XKR4: variants seen among roughly 807,000 people sequenced by gnomAD.
XKR4 encodes the protein XK related 4.
XKR4 carries 12 observed loss-of-function variants against 53.9 expected under a neutral mutation model. The ratio of observed to expected loss-of-function variants is 0.22; its 90% CI spans 0.14 to 0.36. XKR4 has a LOEUF of 0.36. Among genes scored for constraint, XKR4 ranks in the 10% least tolerant of loss-of-function variants. XKR4 has a pLI of 1.00. For synonymous variants in XKR4, 354 were observed against 362.4 expected (o/e 0.98, Z 0.26); for missense variants, 799 against 859.5 (o/e 0.93, Z 0.88).
chr8:55,255,226 C>G (rs1818420697), intron 1 of XKR4, among the ~76,000 whole-genome samples: 1 of 152,144 alleles, frequency 6.6e-6, no homozygotes, highest in South Asian at 2.1e-4. Context: ...TCTGTCAGAC[C>G]TGACTTAGAA....
chr8:55,237,796 C>G (rs953368877), intron 1 of XKR4, among the ~76,000 whole-genome samples: 17 of 152,140 alleles, frequency 1.1e-4, no homozygotes, highest in African/African-American at 4.1e-4. Flanking sequence ...AAGACATAAT[C>G]ATTTCATTTT....
rs761563042 is a variant in XKR4 at position 55,524,310 on chromosome 8, G to T, written c.*83G>T. 17 of 1,362,344 alleles carry T rather than the reference G, an allele frequency of 1.2e-5. No individual in the cohort carries two copies. The highest frequency in any genetic ancestry group is 4.3e-5 in the Admixed American group (2 of 46,180). 84.4% of individuals were successfully genotyped at this position (1,362,344 alleles called of 1,614,324 possible). A position where few individuals can be genotyped will look rare whatever the true frequency, so the allele number is the denominator to read the frequency against. ...GGCCATAATGACACTTCATCCTAGA[G>T]CAGGGCAGTGAGCCGTGAAGTTCCT... On this transcript the variant is annotated 3_prime_UTR_variant, in exon 3 of 3. Coordinates refer to ENST00000327381, the MANE Select transcript of XKR4 (RefSeq NM_052898.2).
rs1052162073 is a variant in XKR4, at chr8:55,530,132, G to A, written c.*5905G>A. 6.7e-6 allele frequency: 1 copy of A among 149,084 alleles called. No individual in the cohort carries two copies. Among genetic ancestry groups the A allele is most frequent in the Non-Finnish European group, 1.5e-5 (1 of 67,440 alleles). The allele number at this position is 149,084 out of a possible 1,614,324, so 9.2% of individuals were successfully genotyped here. A position where few individuals can be genotyped will look rare whatever the true frequency, so the allele number is the denominator to read the frequency against. On this transcript the variant is annotated 3_prime_UTR_variant, in exon 3 of 3. Coordinates refer to ENST00000327381, the MANE Select transcript of XKR4 (RefSeq NM_052898.2). Reference sequence around the variant, plus strand: ...GGAAAAGAAAGAGGGAGGGAGAGAGGGAGGGAAGGAAGAAGGAAGGAAGGA... The same window carrying A: ...GGAAAAGAAAGAGGGAGGGAGAGAGAGAGGGAAGGAAGAAGGAAGGAAGGA...
intron 1 of XKR4, among the ~76,000 whole-genome samples, chr8:55,189,892 C>T (rs750798898): frequency 5.9e-5 from 9 of 152,186 alleles, no homozygotes; most frequent in Non-Finnish European, 8.8e-5. Context: ...AAAACTCACA[C>T]GACAGGCACT....
intron 2 of XKR4, among the ~76,000 whole-genome samples, chr8:55,425,852 G>T (rs975345158): frequency 6.6e-6 from 1 of 152,160 alleles, no homozygotes; most frequent in South Asian, 2.1e-4. Flanking sequence ...ACCCTGCATG[G>T]AGACATCAGA....
chr8:55,250,374 T>C (rs1818347436), intron 1 of XKR4, among the ~76,000 whole-genome samples: 1 of 152,202 alleles, frequency 6.6e-6, no homozygotes, highest in African/African-American at 2.4e-5. Context: ...CAGAAATATC[T>C]AAAAAAGCAG....
chr8:55,470,066 G>A (rs1805849995), intron 2 of XKR4, among the ~76,000 whole-genome samples: 1 of 151,978 alleles, frequency 6.6e-6, no homozygotes, highest in African/African-American at 2.4e-5. Flanking sequence ...AGCTCTATCT[G>A]ATGTAATGGG....
At chr8:55,481,186 G>A (rs1267314630) in intron 2 of XKR4, among the ~76,000 whole-genome samples, 1 of 128,988 alleles carries the variant, frequency 7.8e-6, no homozygotes, top group African/African-American at 3.9e-5. Context: ...GCATGGTACT[G>A]GTACAAAACA....
In XKR4 at chr8:55,523,793, C is replaced by A; in HGVS notation, c.1519C>A (p.Leu507Met). Residue 507 changes from leucine (L) to methionine (M), a missense_variant, in exon 3 of 3, where the codon CTG (leucine) becomes ATG (methionine). Leu to Met is a conservative substitution (Grantham distance 15). This residue lies in a region of XKR4 where 269 missense variants were observed against 264.4 expected (regional missense o/e 1.02). Coordinates refer to ENST00000327381, the MANE Select transcript of XKR4 (RefSeq NM_052898.2). ...SSFLTGVVFM[L>M]MYYAFFHPNG... is the part of the protein sequence containing the mutation. ...CTTTTTAACTGGCGTTGTTTTTATG[C>A]TGATGTATTATGCCTTCTTTCATCC... is the stretch of plus-strand genomic sequence containing the variant. 24 of 1,614,174 alleles carry A rather than the reference C, an allele frequency of 1.5e-5. No homozygotes were observed. Among genetic ancestry groups the A allele is most frequent in the Non-Finnish European group, 2.0e-5 (24 of 1,180,040 alleles).
intron 1 of XKR4, among the ~76,000 whole-genome samples, chr8:55,113,716 C>T (rs6994626): frequency 0.039 from 5,972 of 152,218 alleles, 213 homozygotes; most frequent in African/African-American, 0.092. Flanking sequence ...TTTCATTCCT[C>T]GTGCCCCTTC....
At chr8:55,145,224 A>C (rs997821374) in intron 1 of XKR4, among the ~76,000 whole-genome samples, 2 of 152,150 alleles carry the variant, frequency 1.3e-5, no homozygotes, top group South Asian at 2.1e-4. Flanking sequence ...TCCTGTGGTC[A>C]TCACGTTGGT....
At chr8:55,140,156 T>G (rs1251383737) in intron 1 of XKR4, 1 of 437,998 alleles carries the variant, frequency 2.3e-6, no homozygotes, top group African/African-American at 2.0e-5. Flanking sequence ...CCTGGGTTGG[T>G]ATCTTGACTG....
intron 2 of XKR4, among the ~76,000 whole-genome samples, chr8:55,468,116 T>A (rs917756645): frequency 6.6e-6 from 1 of 152,020 alleles, no homozygotes; most frequent in Non-Finnish European, 1.5e-5. Flanking sequence ...AACTATAGAG[T>A]GGGAAATCTT....
At chr8:55,472,323 A>G (rs1031867967) in intron 2 of XKR4, among the ~76,000 whole-genome samples, 1 of 152,190 alleles carries the variant, frequency 6.6e-6, no homozygotes, top group Non-Finnish European at 1.5e-5. Context: ...ACAATTCTCC[A>G]CATGCTAGTT....
intron 2 of XKR4, among the ~76,000 whole-genome samples, chr8:55,487,943 A>C (rs1159305762): frequency 6.6e-6 from 1 of 152,192 alleles, no homozygotes. Flanking sequence ...CCAAAAATGC[A>C]CTAATCCCTT....
chr8:55,148,611 C>T (rs1816802517), intron 1 of XKR4, among the ~76,000 whole-genome samples: 1 of 152,088 alleles, frequency 6.6e-6, no homozygotes, highest in Non-Finnish European at 1.5e-5. Flanking sequence ...ATTCTGGCCT[C>T]TTTATTTTCC....
intron 1 of XKR4, among the ~76,000 whole-genome samples, chr8:55,271,634 C>T (rs1818692406): frequency 6.6e-6 from 1 of 152,230 alleles, no homozygotes; most frequent in African/African-American, 2.4e-5. Context: ...CCAGGTGTGC[C>T]CTGATGGCGG....
intron 1 of XKR4, among the ~76,000 whole-genome samples, chr8:55,167,058 C>A (rs1260459625): frequency 1.3e-5 from 2 of 152,130 alleles, no homozygotes; most frequent in Non-Finnish European, 2.9e-5. Context: ...TGACCTAATT[C>A]TGGATATATT....
chr8:55,108,230 T>A (rs1454108259), intron 1 of XKR4, among the ~76,000 whole-genome samples: 1 of 152,118 alleles, frequency 6.6e-6, no homozygotes, highest in African/African-American at 2.4e-5. Context: ...GTTAAGTGCA[T>A]GCTCTACATA....
Sources: allele counts gnomAD v4.1 joint callset (sites outside exome capture counted in the v4.1 genomes callset), GRCh38; gene constraint gnomAD v4.1.1; regional missense constraint gnomAD v4.1.1; transcripts MANE v1.5; gene names NCBI Gene and HGNC (gene_info 2026-07-23, HGNC 2026-07-21).